The following ANKS3 variants were observed in gnomAD, a reference collection of about 807,000 sequenced individuals.
The protein encoded by ANKS3 is ankyrin repeat and SAM domain-containing protein 3.
In ANKS3, 62 loss-of-function variants were observed where a neutral mutation model predicts 80.7. The ratio of observed to expected loss-of-function variants is 0.77; its 90% confidence interval spans 0.63 to 0.95. The LOEUF (loss-of-function observed/expected upper bound fraction) is 0.95. Ranked by LOEUF, ANKS3 falls within the 40% of genes least tolerant of loss-of-function variation. The probability of loss-of-function intolerance (pLI) is 0.00; values close to 1 mark genes in which losing one functional copy is unlikely to be tolerated. For synonymous variants in ANKS3, 489 were observed against 355.3 expected, an observed-to-expected ratio of 1.38 and a Z score of -4.23; for missense variants, 1,150 against 883.6, an observed-to-expected ratio of 1.30 and a Z score of -3.82.
At chr16:4,706,164 G>C (rs2080178088) in intron 7 of ANKS3, among the ~76,000 whole-genome samples, 1 of 152,066 alleles carries the variant, frequency 6.6e-6, no homozygotes, top group Non-Finnish European at 1.5e-5. Context: ...AAAGTGCTGG[G>C]ATTATAGGCA....
Position 4,705,222 on chromosome 16 carries a change from C to A in ANKS3, c.741G>T (p.Glu247Asp). Residue 247 changes from glutamate to aspartate, a missense_variant, in exon 8 of 18, where the codon GAG becomes GAT. Coordinates refer to ENST00000304283, the MANE Select transcript of ANKS3 (RefSeq NM_133450.4). ...EKYEDLSSSDESCPAPQRQRP... is the reference protein window; with the variant it reads ...EKYEDLSSSDDSCPAPQRQRP... ...TCTGTCTCTGAGGAGCAGGGCAGGACTCGTCAGAAGAGCTCAGATCTTCGT... is the reference window on the plus strand; with the variant it reads ...TCTGTCTCTGAGGAGCAGGGCAGGAATCGTCAGAAGAGCTCAGATCTTCGT... 1 of 1,614,048 alleles carries A rather than the reference C, an allele frequency of 6.2e-7. No individual in the cohort carries two copies. Among genetic ancestry groups the A allele is most frequent in the Non-Finnish European group, 8.5e-7 (1 of 1,180,042 alleles).
intron 6 of ANKS3, among the ~76,000 whole-genome samples, chr16:4,724,429 G>A (rs992411284): frequency 2.0e-5 from 3 of 152,130 alleles, no homozygotes; most frequent in Admixed American, 6.6e-5. Context: ...AAAGAGAGGA[G>A]GATCTCTGCC....
rs2080006415 is a variant in ANKS3, at chr16:4,703,125, G to C, written c.869-883C>G. ...GCTATTTATCATTGCCCCCTAAACT[G>C]TTTTTGAGACAGGGTCTTGCTGTGT... On this transcript the variant is annotated intron_variant, in intron 8 of 17. Coordinates refer to ENST00000304283, the MANE Select transcript of ANKS3 (RefSeq NM_133450.4). Among the ~76,000 whole-genome samples, 3 of 152,168 alleles carry C rather than the reference G, an allele frequency of 2.0e-5. No individual in the cohort carries two copies. The South Asian group carries it at 6.2e-4, about 31-fold the overall frequency.
chr16:4,709,212 C>G (rs1045585165), intron 7 of ANKS3, among the ~76,000 whole-genome samples: 1 of 151,824 alleles, frequency 6.6e-6, no homozygotes, highest in South Asian at 2.1e-4. Flanking sequence ...TTCGAGACCA[C>G]CCTGACCAAC....
intron 11 of ANKS3, 67 bp downstream of exon 11, chr16:4,700,903 A>C (rs1170604387): frequency 6.3e-7 from 1 of 1,589,500 alleles, no homozygotes; most frequent in South Asian, 1.1e-5. Context: ...TATACACAAC[A>C]CATGCCTCCT....
chr16:4,699,398 T>A, intron 11 of ANKS3: 1 of 590,052 alleles, frequency 1.7e-6, no homozygotes, highest in Admixed American at 3.0e-5. Context: ...GGACAATGTA[T>A]GTTCATCACC....
intron 6 of ANKS3, 137 bp downstream of exon 6, chr16:4,724,613 A>G (rs2081263689): frequency 8.6e-6 from 7 of 817,480 alleles, no homozygotes; most frequent in Admixed American, 5.1e-5. Context: ...GGGCGTCAAT[A>G]GATAATGAAA....
chr16:4,724,603 G>A (rs1458045668), intron 6 of ANKS3, 147 bp downstream of exon 6: 6 of 712,762 alleles, frequency 8.4e-6, no homozygotes, highest in Non-Finnish European at 1.4e-5. Flanking sequence ...ACTCAACACC[G>A]GGCGTCAATA....
At position 4,696,802 on chromosome 16, in the gene ANKS3, C is replaced by G; in HGVS notation, c.*106G>C. The G allele has an allele frequency of 1.7e-6, 1 of 593,924 alleles. No homozygotes were observed. The allele number at this position is 593,924 out of a possible 1,614,324, so 36.8% of individuals were successfully genotyped here. ...CCGGGGCCTGATCCTCTGGCCCCCACTGGGCCTGGGCTGCACATGGCAGCT... is the reference window on the plus strand; with the variant it reads ...CCGGGGCCTGATCCTCTGGCCCCCAGTGGGCCTGGGCTGCACATGGCAGCT... On this transcript the variant is annotated 3_prime_UTR_variant, in exon 18 of 18. Coordinates refer to ENST00000304283, the MANE Select transcript of ANKS3 (RefSeq NM_133450.4).
rs1596344899 is a variant in ANKS3, at chr16:4,699,006, T to TG, written c.1409+45dup. The TG allele has an allele frequency of 3.1e-6, 5 of 1,614,082 alleles. No homozygotes were observed. The East Asian group carries it at 1.1e-4, about 36-fold the overall frequency. On this transcript the variant is annotated intron_variant, in intron 12 of 17. Transcript: ENST00000304283. The stretch of plus-strand genomic sequence containing the variant: ...AAGAGCGCTTACATGAGTGGGAGTT[T>TG]GCCCCAACCCCGGGCTGAGGGCCAG...
intron 7 of ANKS3, among the ~76,000 whole-genome samples, chr16:4,707,193 G>T (rs2080239119): frequency 6.6e-6 from 1 of 151,856 alleles, no homozygotes; most frequent in Non-Finnish European, 1.5e-5. Flanking sequence ...AGAACAGGCA[G>T]ATGGAAACCA....
At chr16:4,698,735 C>A (rs1440262354) in intron 13 of ANKS3, 65 bp downstream of exon 13, 3 of 1,552,560 alleles carry the variant, frequency 1.9e-6, no homozygotes, top group East Asian at 2.2e-5. Flanking sequence ...CCCACCTTTT[C>A]TGTCAGAGAT....
chr16:4,714,035 T>C lies in ANKS3; in HGVS notation c.709+16A>G. 2 of 1,613,738 alleles carry C rather than the reference T, an allele frequency of 1.2e-6. No homozygotes were observed. Among genetic ancestry groups the C allele is most frequent in the Non-Finnish European group, 1.7e-6 (2 of 1,179,850 alleles). On this transcript the variant is annotated intron_variant, in intron 7 of 17. Transcript: ENST00000304283. ...ACCAGAGACCCCAGCAGGGCGCGGCTGGCAGGTGTGGGTACCTGGGCTCCG... is the reference window on the plus strand; with the variant it reads ...ACCAGAGACCCCAGCAGGGCGCGGCCGGCAGGTGTGGGTACCTGGGCTCCG...
At chr16:4,721,119 C>T (rs1301341353) in intron 6 of ANKS3, among the ~76,000 whole-genome samples, 2 of 148,068 alleles carry the variant, frequency 1.4e-5, no homozygotes, top group Admixed American at 6.8e-5. Context: ...TCCTGGCTAA[C>T]GCGGTGAAAC....
chr16:4,713,381 C>T (rs957271174), intron 7 of ANKS3, among the ~76,000 whole-genome samples: 2 of 152,084 alleles, frequency 1.3e-5, no homozygotes, highest in Non-Finnish European at 2.9e-5. Context: ...CCAACCACCA[C>T]CTGTTCTCCA....
intron 8 of ANKS3, among the ~76,000 whole-genome samples, chr16:4,703,658 GC>G (rs2080037588): frequency 6.6e-6 from 1 of 150,846 alleles, no homozygotes; most frequent in Non-Finnish European, 1.5e-5. Flanking sequence ...TGATCCACCT[GC>G]CTCGGCCTCC....
At chr16:4,698,717 A>G in intron 13 of ANKS3, 83 bp downstream of exon 13, 2 of 1,547,458 alleles carry the variant, frequency 1.3e-6, no homozygotes, top group Non-Finnish European at 1.7e-6. Flanking sequence ...TGACCCCTCC[A>G]CACAGCACCC....
At chr16:4,698,359 T>G in intron 14 of ANKS3, 68 bp downstream of exon 14, 1 of 1,430,700 alleles carries the variant, frequency 7.0e-7, no homozygotes. Flanking sequence ...GGAAAGGATG[T>G]GTGGGGGCCC....
intron 11 of ANKS3, chr16:4,699,960 A>G (rs1336993513): frequency 6.6e-6 from 1 of 152,478 alleles, no homozygotes; most frequent in Non-Finnish European, 1.5e-5. Context: ...TTTCTGAAAG[A>G]AACATACTTA....
Sources: allele counts gnomAD v4.1 joint callset (sites outside exome capture counted in the v4.1 genomes callset), GRCh38; gene constraint gnomAD v4.1.1; transcripts MANE v1.5; gene names NCBI Gene and HGNC (gene_info 2026-07-23, HGNC 2026-07-21).